DOC2B: variants seen among roughly 807,000 people sequenced by gnomAD.
The protein encoded by DOC2B is double C2-like domain-containing protein beta.
A neutral mutation model predicts 28.9 loss-of-function variants in DOC2B; 21 were observed. That is an observed-to-expected ratio of 0.73 (90% CI 0.52 to 1.05). The LOEUF (loss-of-function observed/expected upper bound fraction) is 1.05. Ranked by LOEUF, DOC2B falls within the 50% of genes least tolerant of loss-of-function variation. The probability of loss-of-function intolerance (pLI) is 0.00; values close to 1 mark genes in which losing one functional copy is unlikely to be tolerated. For missense variants in DOC2B, 384 were observed against 421.1 expected (o/e 0.91, Z 0.77); for synonymous variants, 194 against 178.1 (o/e 1.09, Z -0.71).
At chr17:178,653 C>T (rs150960700) in intron 1 of DOC2B, among the ~76,000 whole-genome samples, 5 of 152,294 alleles carry the variant, frequency 3.3e-5, no homozygotes, top group African/African-American at 1.2e-4. Context: ...TGGGAACATG[C>T]GAGTTATGTG....
chr17:175,792 T>C lies in DOC2B; in HGVS notation c.374-3176A>G, dbSNP rs549155700. 5.9e-5 allele frequency among the ~76,000 whole-genome samples: 9 copies of C among 152,338 alleles called. No homozygotes were observed. In the East Asian group the frequency reaches 1.5e-3, roughly 26 times the overall value. On this transcript the variant is annotated intron_variant, in intron 1 of 8. Transcript: ENST00000613549. ...TGCTCCCCCTGGGACACCCAGCTCC[T>C]GGAGGGGAGAAGCCCCTGCACTGGC...
At chr17:169,954 A>G (rs2040292780) in intron 2 of DOC2B, among the ~76,000 whole-genome samples, 1 of 152,202 alleles carries the variant, frequency 6.6e-6, no homozygotes, top group Non-Finnish European at 1.5e-5. Context: ...ACGGTACCAC[A>G]CATGTACACA....
chr17:154,683 T>C (rs951240059), intron 6 of DOC2B, among the ~76,000 whole-genome samples: 1 of 152,194 alleles, frequency 6.6e-6, no homozygotes, highest in Non-Finnish European at 1.5e-5. Context: ...TCTGAGGAAC[T>C]ATCAGCTGCT....
chr17:150,941 G>A (rs930374404), intron 6 of DOC2B, among the ~76,000 whole-genome samples: 1 of 152,174 alleles, frequency 6.6e-6, no homozygotes, highest in Admixed American at 6.5e-5. Context: ...CACACTATCT[G>A]ACTGTTTCAT....
At chr17:180,939 C>T (rs2040433673) in intron 1 of DOC2B, among the ~76,000 whole-genome samples, 168 bp downstream of exon 1, 1 of 151,760 alleles carries the variant, frequency 6.6e-6, no homozygotes, top group African/African-American at 2.4e-5. Flanking sequence ...GGGCAGGGCG[C>T]GGAGAGCGCA....
Position 166,009 on chromosome 17 carries a change from C to T in DOC2B, c.454-1805G>A, listed in dbSNP as rs570111861. Among the ~76,000 whole-genome samples, 67 of 152,308 alleles carry T rather than the reference C, an allele frequency of 4.4e-4. 1 individual carries two copies. The highest frequency in any genetic ancestry group is 1.6e-3 in the African/African-American group (66 of 41,574). On this transcript the variant is annotated intron_variant, in intron 2 of 8. Coordinates refer to ENST00000613549, the MANE Select transcript of DOC2B (RefSeq NM_003585.5). Reference sequence around the variant, plus strand: ...CCAGTGGCTCTGGTGGTCCCACCTCCGTACCCCGAGACACCCGTGGGAGCT... The same window carrying T: ...CCAGTGGCTCTGGTGGTCCCACCTCTGTACCCCGAGACACCCGTGGGAGCT...
At chr17:158,668 C>T (rs545023266) in intron 5 of DOC2B, among the ~76,000 whole-genome samples, 2 of 152,328 alleles carry the variant, frequency 1.3e-5, no homozygotes, top group South Asian at 4.1e-4. Flanking sequence ...CGCTATCTGC[C>T]GCTCAGGCAG....
chr17:153,283 G>A (rs1001141364), intron 6 of DOC2B, among the ~76,000 whole-genome samples: 3 of 152,200 alleles, frequency 2.0e-5, no homozygotes, highest in African/African-American at 4.8e-5. Context: ...ATGGCCCCCC[G>A]CCTGCCTGTG....
intron 8 of DOC2B, 101 bp downstream of exon 8, chr17:148,072 G>A (rs1159170499): frequency 2.5e-6 from 1 of 397,540 alleles, no homozygotes; most frequent in Non-Finnish European, 4.4e-6. Flanking sequence ...AGGGGCAGGT[G>A]GTCCGTGGCT....
At chr17:154,698 A>G (rs1418242096) in intron 6 of DOC2B, among the ~76,000 whole-genome samples, 4 of 152,166 alleles carry the variant, frequency 2.6e-5, no homozygotes, top group Non-Finnish European at 5.9e-5. Flanking sequence ...GCTGCTTCCC[A>G]AAGTGGCCAT....
Position 161,515 on chromosome 17 carries a change from A to T in DOC2B, c.665T>A (p.Phe222Tyr). The stretch of plus-strand genomic sequence containing the variant: ...CTCCCCGATGAACTCATTGTGCCGG[A>T]ATTTGTCCTCGTCACACACAGAGAT... ...LRISVCDEDK[F>Y]RHNEFIGETR... Residue 222 changes from phenylalanine (F) to tyrosine (Y), a missense_variant, in exon 5 of 9, where the codon TTC (phenylalanine) becomes TAC (tyrosine). Transcript: ENST00000613549. 1 of 1,551,684 alleles carries T rather than the reference A, an allele frequency of 6.4e-7. No homozygotes were observed. Among genetic ancestry groups the T allele is most frequent in the Non-Finnish European group, 8.7e-7 (1 of 1,146,996 alleles).
chr17:175,774 C>T (rs1362509533), intron 1 of DOC2B, among the ~76,000 whole-genome samples: 3 of 152,240 alleles, frequency 2.0e-5, no homozygotes, highest in Non-Finnish European at 4.4e-5. Flanking sequence ...GCCTGCTCCC[C>T]CTGGGACACC....
chr17:151,396 A>G (rs907182032), intron 6 of DOC2B, among the ~76,000 whole-genome samples: 1 of 152,198 alleles, frequency 6.6e-6, no homozygotes. Context: ...TCTTTGCAGT[A>G]TATTTACCAG....
chr17:156,338 G>A lies in DOC2B; in HGVS notation c.805C>T (p.Arg269Cys), dbSNP rs2040135396. 8 of 1,551,392 alleles carry A rather than the reference G, an allele frequency of 5.2e-6. No individual in the cohort carries two copies. Among genetic ancestry groups the A allele is most frequent in the Non-Finnish European group, 7.0e-6 (8 of 1,146,962 alleles). The change falls in exon 6 of 9, where the codon CGC becomes TGC. Residue 269 changes from arginine (R) to cysteine (C), a missense_variant. Physicochemically the swap from Arg to Cys is radical, Grantham distance 180. Coordinates refer to ENST00000613549, the MANE Select transcript of DOC2B (RefSeq NM_003585.5). ...TEDKSLEERG[R>C]ILISLKYSSQ... ...CTGTACTTGAGGGAGATGAGGATGCGGCCCCGCTCCTCCAGGGACTTGTCT... is the reference window on the plus strand; with the variant it reads ...CTGTACTTGAGGGAGATGAGGATGCAGCCCCGCTCCTCCAGGGACTTGTCT...
rs535037988 is a variant in DOC2B at position 154,601 on chromosome 17, G to A, written c.923+1619C>T. On this transcript the variant is annotated intron_variant, in intron 6 of 8. Coordinates refer to ENST00000613549, the MANE Select transcript of DOC2B (RefSeq NM_003585.5). ...CCTGCACAAGTTTTAGGATGGACAT[G>A]TTTTTCTTATCTCTTGGGTATATAA... Among the ~76,000 whole-genome samples, 19 of 152,308 alleles carry A rather than the reference G, an allele frequency of 1.2e-4. No individual in the cohort carries two copies. In the South Asian group the frequency reaches 3.9e-3, roughly 32 times the overall value.
At chr17:157,364 C>T (rs556545626) in intron 5 of DOC2B, among the ~76,000 whole-genome samples, 23 of 152,314 alleles carry the variant, frequency 1.5e-4, no homozygotes, top group African/African-American at 4.6e-4. Flanking sequence ...CCCCTCTGCG[C>T]GCCCACTGCC....
chr17:155,871 T>A, intron 6 of DOC2B: 1 of 299,440 alleles, frequency 3.3e-6, no homozygotes, highest in Non-Finnish European at 6.2e-6. Flanking sequence ...TCCCCCAGCC[T>A]CCTGGCTACC....
intron 1 of DOC2B, among the ~76,000 whole-genome samples, chr17:175,418 A>G (rs1245596521): frequency 6.6e-6 from 1 of 152,194 alleles, no homozygotes; most frequent in Non-Finnish European, 1.5e-5. Context: ...GCAGCAATGA[A>G]CACAGCCACA....
chr17:149,895 T>G (rs1597813996), intron 6 of DOC2B, among the ~76,000 whole-genome samples: 1 of 152,236 alleles, frequency 6.6e-6, no homozygotes, highest in African/African-American at 2.4e-5. Flanking sequence ...CGCAGTAGCC[T>G]TTAGTAGACT....
Sources: allele counts gnomAD v4.1 joint callset (sites outside exome capture counted in the v4.1 genomes callset), GRCh38; gene constraint gnomAD v4.1.1; transcripts MANE v1.5; gene names NCBI Gene and HGNC (gene_info 2026-07-23, HGNC 2026-07-21).